Variants in KCNMB4 observed in about 807,000 individuals in gnomAD.
KCNMB4 encodes calcium-activated potassium channel subunit beta-4.
A neutral mutation model predicts 20.7 loss-of-function variants in KCNMB4; 3 were observed. The observed-to-expected ratio is 0.14, with a 90% CI of 0.07 to 0.37. The LOEUF is 0.37. Among genes scored for constraint, KCNMB4 ranks in the 10% least tolerant of loss-of-function variants. KCNMB4 has a pLI of 1.00. For synonymous variants in KCNMB4, 110 were observed against 113.4 expected (o/e 0.97, Z 0.19); for missense variants, 168 against 265.9 (o/e 0.63, Z 2.56).
intron 2 of KCNMB4, among the ~76,000 whole-genome samples, chr12:70,416,834 G>A (rs1006908462): frequency 7.2e-5 from 11 of 152,042 alleles, no homozygotes; most frequent in African/African-American, 2.4e-4. Flanking sequence ...GCCTATTTCT[G>A]TCTTCCTACA....
chr12:70,410,893 G>A (rs1293816860), intron 2 of KCNMB4, among the ~76,000 whole-genome samples: 12 of 152,176 alleles, frequency 7.9e-5, no homozygotes, highest in African/African-American at 1.7e-4. Context: ...TTCACTCAAA[G>A]TGTGTTTATC....
At chr12:70,385,137 A>G (rs1408782538) in intron 1 of KCNMB4, among the ~76,000 whole-genome samples, 2 of 152,156 alleles carry the variant, frequency 1.3e-5, no homozygotes, top group Non-Finnish European at 2.9e-5. Context: ...ACAGATGAGG[A>G]CAGAGTTTAG....
intron 2 of KCNMB4, among the ~76,000 whole-genome samples, chr12:70,421,913 C>A (rs1394780655): frequency 7.7e-6 from 1 of 130,112 alleles, no homozygotes; most frequent in Non-Finnish European, 1.6e-5. Flanking sequence ...AGTTATTTTT[C>A]TAGAGCATTC....
chr12:70,426,505 A>G (rs1464693400), intron 2 of KCNMB4, among the ~76,000 whole-genome samples: 1 of 152,184 alleles, frequency 6.6e-6, no homozygotes, highest in East Asian at 1.9e-4. Flanking sequence ...TCAGATGCTG[A>G]TTATAGTAAA....
intron 1 of KCNMB4, among the ~76,000 whole-genome samples, chr12:70,378,789 G>A (rs894221709): frequency 2.6e-5 from 4 of 151,972 alleles, no homozygotes; most frequent in Admixed American, 1.3e-4. Context: ...CACCCATCTC[G>A]GCCTCCCAAA....
chr12:70,426,304 A>AG (rs1472362149), intron 2 of KCNMB4, among the ~76,000 whole-genome samples: 1 of 152,118 alleles, frequency 6.6e-6, no homozygotes, highest in African/African-American at 2.4e-5. Flanking sequence ...AAAAAAAAAA[A>AG]AAGAAAAAAA....
intron 1 of KCNMB4, among the ~76,000 whole-genome samples, chr12:70,386,369 A>G (rs1428052873): frequency 1.3e-5 from 2 of 152,270 alleles, no homozygotes; most frequent in African/African-American, 4.8e-5. Flanking sequence ...ATGTACCACA[A>G]ATAAAGACAA....
chr12:70,396,422 C>T (rs1266280062), intron 1 of KCNMB4, among the ~76,000 whole-genome samples: 1 of 152,168 alleles, frequency 6.6e-6, no homozygotes, highest in South Asian at 2.1e-4. Context: ...TCTCTTGTCT[C>T]AGCCTCCCAA....
chr12:70,388,300 G>A (rs748211177), intron 1 of KCNMB4, among the ~76,000 whole-genome samples: 1 of 152,060 alleles, frequency 6.6e-6, no homozygotes, highest in African/African-American at 2.4e-5. Context: ...GAGTGCAGAC[G>A]TTTCTTTGAT....
chr12:70,385,611 A>G (rs949795411), intron 1 of KCNMB4, among the ~76,000 whole-genome samples: 3 of 152,210 alleles, frequency 2.0e-5, no homozygotes, highest in Admixed American at 6.5e-5. Flanking sequence ...TATTTTTGGA[A>G]AGATAAATTC....
At chr12:70,390,738 C>G (rs559622212) in intron 1 of KCNMB4, among the ~76,000 whole-genome samples, 1 of 152,126 alleles carries the variant, frequency 6.6e-6, no homozygotes, top group African/African-American at 2.4e-5. Flanking sequence ...AATGTGAAGA[C>G]GCTATACTTT....
intron 1 of KCNMB4, among the ~76,000 whole-genome samples, chr12:70,385,043 G>A (rs1593327107): frequency 6.6e-6 from 1 of 152,100 alleles, no homozygotes; most frequent in East Asian, 1.9e-4. Flanking sequence ...GTTCCAAGCA[G>A]ATATTATTGA....
chr12:70,429,033 A>T (rs1869287906), intron 2 of KCNMB4, among the ~76,000 whole-genome samples: 1 of 152,246 alleles, frequency 6.6e-6, no homozygotes, highest in Non-Finnish European at 1.5e-5. Context: ...AGGATTTTGT[A>T]ATTTCAAAGC....
rs756951139 is a variant in KCNMB4, at chr12:70,366,821, C to T, written c.87C>T (p.Val29=). Residue 29 remains valine (V), a synonymous_variant, in exon 1 of 3, where the codon GTC becomes GTT. Transcript: ENST00000258111. ...GCTTGTTTCTCATCATCTCCGGCGT[C>T]GTGTCGCTCTTCATCTTCGGCTTCT... is the stretch of plus-strand genomic sequence containing the variant. ...RLGLFLIISG[V]VSLFIFGFCW... The T allele has an allele frequency of 6.2e-7, 1 of 1,612,914 alleles. No homozygotes were observed.
chr12:70,399,788 A>G (rs557510138), intron 1 of KCNMB4, among the ~76,000 whole-genome samples: 58 of 152,342 alleles, frequency 3.8e-4, no homozygotes, highest in African/African-American at 1.3e-3. Flanking sequence ...GAGAAGAGCT[A>G]TGTGCTTGAA....
chr12:70,369,820 T>A (rs1266451788), intron 1 of KCNMB4, among the ~76,000 whole-genome samples: 2 of 152,220 alleles, frequency 1.3e-5, no homozygotes, highest in Non-Finnish European at 2.9e-5. Context: ...ATCCTTATTG[T>A]CTAAAGCAAT....
intron 2 of KCNMB4, among the ~76,000 whole-genome samples, chr12:70,420,470 G>A (rs1313951622): frequency 6.6e-6 from 1 of 152,128 alleles, no homozygotes; most frequent in Non-Finnish European, 1.5e-5. Context: ...TTAGAGTGAT[G>A]CCAGGGAGGG....
intron 2 of KCNMB4, among the ~76,000 whole-genome samples, chr12:70,404,274 G>A (rs1467855386): frequency 6.6e-6 from 1 of 151,934 alleles, no homozygotes; most frequent in Non-Finnish European, 1.5e-5. Context: ...AGACTGACAT[G>A]AGTAGACCTT....
At chr12:70,370,550 C>A (rs1883574254) in intron 1 of KCNMB4, among the ~76,000 whole-genome samples, 1 of 152,004 alleles carries the variant, frequency 6.6e-6, no homozygotes, top group African/African-American at 2.4e-5. Flanking sequence ...TCGTGATCCA[C>A]CCCTGCCTTG....
Sources: gnomAD v4.1 joint callset for allele counts (sites outside exome capture counted in the v4.1 genomes callset) on GRCh38, gnomAD v4.1.1 for gene constraint, MANE v1.5 for transcripts, NCBI Gene and HGNC (gene_info 2026-07-23, HGNC 2026-07-21) for gene names.